Variants in NBAS observed in about 807,000 individuals in gnomAD.
NBAS encodes NAG/BC035112 fusion.
NBAS carries 219 observed loss-of-function variants against 302.5 expected under a neutral mutation model. That is an observed-to-expected ratio of 0.72 (90% CI 0.65 to 0.81). The LOEUF is 0.81. NBAS is among the 30% of genes least tolerant of loss of function. NBAS has a pLI of 0.00. For synonymous variants in NBAS, 1,118 were observed against 1,021.6 expected, an observed-to-expected ratio of 1.09 and a Z score of -1.80; for missense variants, 2,932 against 2,841.6, an observed-to-expected ratio of 1.03 and a Z score of -0.72.
the NBAS span, among the ~76,000 whole-genome samples, chr2:14,835,473 TA>T: frequency 1.3e-5 from 2 of 151,702 alleles, no homozygotes; most frequent in Non-Finnish European, 2.9e-5. Context: ...CCCTTCCTCC[TA>T]AAAAAAACTA....
At chr2:14,894,792 C>T in the NBAS span, among the ~76,000 whole-genome samples, 711 of 152,226 alleles carry the variant, frequency 4.7e-3, 6 homozygotes, top group East Asian at 0.024. Flanking sequence ...GGCACGGTGG[C>T]TCATGCCTGT....
chr2:14,807,084 T>C, the NBAS span, among the ~76,000 whole-genome samples: 1 of 152,332 alleles, frequency 6.6e-6, no homozygotes, highest in South Asian at 2.1e-4. Flanking sequence ...CATGGTTCTT[T>C]GCTTTACTTG....
At chr2:15,356,516 AG>A in intron 32 of NBAS, 100 bp from the exon 33 acceptor site, 2 of 870,808 alleles carry the variant, frequency 2.3e-6, no homozygotes, top group Non-Finnish European at 3.8e-6. Context: ...AAAATAAAAC[AG>A]AGAGATTACA....
chr2:15,044,169 C>T, the NBAS span, among the ~76,000 whole-genome samples: 2 of 151,990 alleles, frequency 1.3e-5, no homozygotes, highest in Non-Finnish European at 2.9e-5. Flanking sequence ...TAGACAATTC[C>T]CCAGTTGTGC....
intron 42 of NBAS, among the ~76,000 whole-genome samples, chr2:15,284,196 A>G (rs888024353): frequency 6.6e-6 from 1 of 152,124 alleles, no homozygotes; most frequent in East Asian, 1.9e-4. Context: ...ACTCAAAAAC[A>G]TATGTGTTCA....
the NBAS span, among the ~76,000 whole-genome samples, chr2:14,795,747 C>T: frequency 1.3e-5 from 2 of 152,058 alleles, no homozygotes; most frequent in African/African-American, 2.4e-5. Flanking sequence ...CTGTGCACCG[C>T]AAGGTATTTA....
At chr2:15,263,343 T>C (rs1025175874) in intron 44 of NBAS, among the ~76,000 whole-genome samples, 1 of 152,082 alleles carries the variant, frequency 6.6e-6, no homozygotes, top group Non-Finnish European at 1.5e-5. Context: ...ATCCGCCCGC[T>C]TCAGCTTCCC....
intron 48 of NBAS, among the ~76,000 whole-genome samples, chr2:15,192,209 T>C (rs897353126): frequency 5.9e-5 from 9 of 151,898 alleles, no homozygotes; most frequent in African/African-American, 1.9e-4. Flanking sequence ...CCATAAGAAA[T>C]GTTAGCTCCT....
At chr2:15,555,607 TTTAATTACCATAAAC>T (rs1283194755) in intron 3 of NBAS, among the ~76,000 whole-genome samples, 1 of 152,008 alleles carries the variant, frequency 6.6e-6, no homozygotes, top group Non-Finnish European at 1.5e-5. Context: ...AACCTTTGGG[TTTAATTACCATAAAC>T]TCAAGAGCAC....
chr2:15,149,806 A>G, the NBAS span, among the ~76,000 whole-genome samples: 1 of 152,128 alleles, frequency 6.6e-6, no homozygotes, highest in Non-Finnish European at 1.5e-5. Flanking sequence ...GATTTTTGAC[A>G]AACTTCCTAA....
chr2:15,053,916 G>A, the NBAS span, among the ~76,000 whole-genome samples: 1 of 147,974 alleles, frequency 6.8e-6, no homozygotes, highest in Non-Finnish European at 1.5e-5. Context: ...AGCAACAAAA[G>A]AGGCAGCTTT....
intron 40 of NBAS, 85 bp downstream of exon 40, chr2:15,308,131 C>T: frequency 1.3e-6 from 2 of 1,585,906 alleles, no homozygotes; most frequent in South Asian, 2.2e-5. Flanking sequence ...GTAATCAGTT[C>T]CTCCAAAAAT....
At chr2:14,787,460 C>T in the NBAS span, among the ~76,000 whole-genome samples, 4 of 152,120 alleles carry the variant, frequency 2.6e-5, 1 homozygote, top group Middle Eastern at 3.2e-3. Flanking sequence ...TGGCTGGTAC[C>T]GGCTCTTCCT....
At chr2:15,347,009 C>T (rs191991494) in intron 35 of NBAS, among the ~76,000 whole-genome samples, 331 of 151,930 alleles carry the variant, frequency 2.2e-3, no homozygotes, top group African/African-American at 7.5e-3. Flanking sequence ...TGAGGGGTTG[C>T]GGGAGAGGAG....
At chr2:15,408,074 T>C (rs1010344028) in intron 25 of NBAS, among the ~76,000 whole-genome samples, 2 of 152,242 alleles carry the variant, frequency 1.3e-5, no homozygotes, top group African/African-American at 4.8e-5. Context: ...TAATTCAGGA[T>C]AGCTTTGCCA....
chr2:15,029,601 A>C, the NBAS span, among the ~76,000 whole-genome samples: 1 of 152,234 alleles, frequency 6.6e-6, no homozygotes, highest in Non-Finnish European at 1.5e-5. Flanking sequence ...CACGGTAGGA[A>C]GTATATGAGC....
At chr2:14,848,864 T>C in the NBAS span, among the ~76,000 whole-genome samples, 1 of 150,516 alleles carries the variant, frequency 6.6e-6, no homozygotes. Context: ...CAGCTGAGGG[T>C]CCTGTCTGTT....
chr2:15,553,841 CCTCTTCCTCT>C, intron 4 of NBAS, among the ~76,000 whole-genome samples: 1 of 112,324 alleles, frequency 8.9e-6, no homozygotes, highest in Non-Finnish European at 1.9e-5. Context: ...TCCCTCTCTC[CCTCTTCCTCT>C]CTCCCTCCCT....
chr2:15,036,087 C>G, the NBAS span, among the ~76,000 whole-genome samples: 1 of 152,134 alleles, frequency 6.6e-6, no homozygotes, highest in African/African-American at 2.4e-5. Flanking sequence ...CTCACGCCAA[C>G]AGAAAGAAGA....
Sources: gnomAD v4.1 joint callset for allele counts (sites outside exome capture counted in the v4.1 genomes callset) on GRCh38, gnomAD v4.1.1 for gene constraint, MANE v1.5 for transcripts, NCBI Gene and HGNC (gene_info 2026-07-23, HGNC 2026-07-21) for gene names.